The following CFAP58 variants were observed in gnomAD, a reference collection of about 807,000 sequenced individuals.
CFAP58 encodes cilia and flagella associated protein 58.
Under a neutral mutation model 119.5 loss-of-function variants are expected in CFAP58, and 88 were observed. The ratio of observed to expected loss-of-function variants is 0.74; its 90% CI spans 0.62 to 0.88. The LOEUF is 0.88. Ranked by LOEUF, CFAP58 falls within the 40% of genes least tolerant of loss-of-function variation. The pLI, the probability that CFAP58 is intolerant of heterozygous loss-of-function variation, is 0.00. For synonymous variants in CFAP58, 365 were observed against 366.3 expected (o/e 1.00, Z 0.04); for missense variants, 990 against 1,021.2 (o/e 0.97, Z 0.42).
chr10:104,451,393 A>G (rs375435765), intron 17 of CFAP58, among the ~76,000 whole-genome samples: 8 of 152,212 alleles, frequency 5.3e-5, no homozygotes, highest in African/African-American at 1.9e-4. Context: ...TAATTTAGAT[A>G]AGTCCATCTT....
In CFAP58 at chr10:104,393,279, G is replaced by C. The variant is rs745969872; in HGVS notation, c.1528-50G>C. The C allele has an allele frequency of 1.9e-6, 3 of 1,548,646 alleles. No homozygotes were observed. The East Asian group carries it at 6.8e-5, about 35-fold the overall frequency. ...GAAATATATATTGAACTTCCATAGG[G>C]ACGATGATGTCTAATTCACTTTCAA... On this transcript the variant is annotated intron_variant, in intron 10 of 17. Coordinates refer to ENST00000369704, the MANE Select transcript of CFAP58 (RefSeq NM_001008723.2).
intron 10 of CFAP58, 95 bp downstream of exon 10, chr10:104,392,489 TA>T (rs200829328): frequency 1.6e-3 from 1,212 of 779,384 alleles, no homozygotes; most frequent in South Asian, 2.0e-3. Flanking sequence ...TAGAATAGAT[TA>T]AAAAAAAAAC....
intron 15 of CFAP58, among the ~76,000 whole-genome samples, chr10:104,442,537 G>A (rs1351957974): frequency 6.7e-6 from 1 of 150,286 alleles, no homozygotes; most frequent in Non-Finnish European, 1.5e-5. Flanking sequence ...GCAGTGAGCC[G>A]AGATGGTGCC....
Position 104,392,273 on chromosome 10 carries a change from A to G in CFAP58, c.1406A>G (p.Gln469Arg), listed in dbSNP as rs2012061944. 6.2e-7 allele frequency: 1 copy of G among 1,612,956 alleles called. No homozygotes were observed. Among genetic ancestry groups the G allele is most frequent in the Non-Finnish European group, 8.5e-7 (1 of 1,179,708 alleles). ...GAAGACATAAAAGTTCGTGAAACAC[A>G]GATTTTTGACTACAGGAAAAAAATA... ...NMEDIKVRETQIFDYRKKIAE... is the reference protein window; with the variant it reads ...NMEDIKVRETRIFDYRKKIAE... The change falls in exon 10 of 18, where the codon CAG becomes CGG. Residue 469 changes from glutamine to arginine, a missense_variant. Transcript: ENST00000369704.
chr10:104,438,331 TTTGTTTTTTG>T (rs2012968503), intron 15 of CFAP58, among the ~76,000 whole-genome samples: 1 of 134,530 alleles, frequency 7.4e-6, no homozygotes, highest in East Asian at 2.2e-4. Flanking sequence ...TTATTGTTTT[TTTGTTTTTTG>T]TTTTTTGTTT....
chr10:104,447,216 C>G (rs1442610479), intron 15 of CFAP58, among the ~76,000 whole-genome samples: 1 of 151,658 alleles, frequency 6.6e-6, no homozygotes, highest in Non-Finnish European at 1.5e-5. Flanking sequence ...CGGGGTCTCA[C>G]TATGTTGCCC....
Position 104,357,943 on chromosome 10 carries a change from GTA to G in CFAP58, c.10-397_10-396del, listed in dbSNP as rs1564876077. Among the ~76,000 whole-genome samples the G allele has an allele frequency of 1.6e-3, 176 of 109,698 alleles. 12 individuals are homozygous for G. In the Middle Eastern group the frequency reaches 0.016, roughly 10 times the overall value. 72.0% of individuals were successfully genotyped at this position (109,698 alleles called of 152,430 possible). A position where few individuals can be genotyped will look rare whatever the true frequency, so the allele number is the denominator to read the frequency against. On this transcript the variant is annotated intron_variant, in intron 1 of 17. Transcript: ENST00000369704. ...TATGTACACATATACACACATATAT[GTA>G]CACATATATACACATATATGTACAC...
upstream of CFAP58, among the ~76,000 whole-genome samples, chr10:104,349,862 AAG>A (rs916448373): frequency 1.3e-5 from 2 of 151,550 alleles, no homozygotes; most frequent in African/African-American, 4.9e-5. Flanking sequence ...TGAAGAGAGA[AAG>A]AGAGAGAGTC....
chr10:104,372,447 G>C (rs553528865), intron 7 of CFAP58, among the ~76,000 whole-genome samples: 9 of 152,324 alleles, frequency 5.9e-5, no homozygotes, highest in African/African-American at 1.9e-4. Context: ...AAGAAATAAT[G>C]TTTTATTGAG....
intron 11 of CFAP58, among the ~76,000 whole-genome samples, chr10:104,398,609 T>A (rs987359169): frequency 1.6e-4 from 24 of 152,190 alleles, no homozygotes; most frequent in African/African-American, 5.1e-4. Flanking sequence ...AGGGGCCAGA[T>A]TCAGGTCTGA....
chr10:104,401,577 G>A (rs2012266109), intron 13 of CFAP58, among the ~76,000 whole-genome samples: 1 of 152,158 alleles, frequency 6.6e-6, no homozygotes, highest in Non-Finnish European at 1.5e-5. Context: ...TTTCTCAGTA[G>A]CTATCCTTAT....
At chr10:104,409,824 T>C (rs1475408340) in intron 15 of CFAP58, among the ~76,000 whole-genome samples, 2 of 151,986 alleles carry the variant, frequency 1.3e-5, no homozygotes, top group Non-Finnish European at 2.9e-5. Context: ...TTGGTGTCTT[T>C]GTACTTTAGG....
chr10:104,378,826 C>T (rs1486640169), intron 8 of CFAP58, among the ~76,000 whole-genome samples: 1 of 151,820 alleles, frequency 6.6e-6, no homozygotes, highest in African/African-American at 2.4e-5. Flanking sequence ...TGCCAGATTG[C>T]ACTGCTACTT....
At chr10:104,411,020 A>T (rs1409489701) in intron 15 of CFAP58, among the ~76,000 whole-genome samples, 2 of 151,916 alleles carry the variant, frequency 1.3e-5, no homozygotes, top group African/African-American at 4.8e-5. Context: ...GCGCACTGCA[A>T]CCTCCGCTTC....
intron 15 of CFAP58, among the ~76,000 whole-genome samples, chr10:104,444,134 T>C (rs1213389326): frequency 1.3e-5 from 2 of 152,190 alleles, no homozygotes; most frequent in Non-Finnish European, 2.9e-5. Context: ...CATAAAATAG[T>C]GAGGCATGCT....
chr10:104,342,094 G>T, the CFAP58 span, among the ~76,000 whole-genome samples: 1 of 152,192 alleles, frequency 6.6e-6, no homozygotes, highest in African/African-American at 2.4e-5. Context: ...CTTGTATATA[G>T]GTGGCTATTT....
intron 1 of CFAP58, among the ~76,000 whole-genome samples, chr10:104,357,951 A>ATT (rs1371423886): frequency 8.9e-6 from 1 of 112,412 alleles, no homozygotes; most frequent in African/African-American, 5.3e-5. Context: ...ATGTACACAT[A>ATT]TATACACATA....
intron 1 of CFAP58, among the ~76,000 whole-genome samples, chr10:104,354,654 G>T (rs549622579): frequency 1.3e-5 from 2 of 152,080 alleles, no homozygotes; most frequent in South Asian, 2.1e-4. Flanking sequence ...CCCCATCAGA[G>T]CCCTTCCCCC....
At chr10:104,339,347 TGAGGCCTG>T in the CFAP58 span, among the ~76,000 whole-genome samples, 1 of 152,216 alleles carries the variant, frequency 6.6e-6, no homozygotes, top group Non-Finnish European at 1.5e-5. Context: ...ACGAGAGAAC[TGAGGCCTG>T]GAGGAGCAGC....
Sources: gnomAD v4.1 joint callset for allele counts (sites outside exome capture counted in the v4.1 genomes callset) on GRCh38, gnomAD v4.1.1 for gene constraint, MANE v1.5 for transcripts, NCBI Gene and HGNC (gene_info 2026-07-23, HGNC 2026-07-21) for gene names.